Variants in NBPF12 observed in about 807,000 individuals in gnomAD.
The protein encoded by NBPF12 is NBPF member 12, also known as NBPF family member NBPF12.
Under a neutral mutation model 146.4 loss-of-function variants are expected in NBPF12, and 115 were observed. That is an observed-to-expected ratio of 0.79 (90% CI 0.68 to 0.92). The LOEUF (loss-of-function observed/expected upper bound fraction) is 0.92, where lower values mean the gene tolerates loss of function less well. Ranked by LOEUF, NBPF12 falls within the 40% of genes least tolerant of loss-of-function variation. The pLI is 0.00. For missense variants in NBPF12, 1,205 were observed against 1,326.8 expected, an observed-to-expected ratio of 0.91 and a Z score of 1.43; for synonymous variants, 385 against 508.9, an observed-to-expected ratio of 0.76 and a Z score of 3.28.
At chr1:146,968,942 T>C (rs1656384518) in intron 10 of NBPF12, among the ~76,000 whole-genome samples, 1 of 151,430 alleles carries the variant, frequency 6.6e-6, no homozygotes, top group South Asian at 2.1e-4. Flanking sequence ...AATGTTGCCT[T>C]CTCGACCCTG....
chr1:146,973,209 G>A (rs1553886854), intron 14 of NBPF12, among the ~76,000 whole-genome samples: 15 of 32,434 alleles, frequency 4.6e-4, no homozygotes, highest in Non-Finnish European at 8.1e-4. Flanking sequence ...TTCTGACACC[G>A]GCACAGAATG....
In NBPF12 at chr1:146,975,122, C is replaced by G. The variant is rs1229967402; in HGVS notation, c.1904+281C>G. Among the ~76,000 whole-genome samples, 2 of 129,764 alleles carry G rather than the reference C, an allele frequency of 1.5e-5. 1 individual carries two copies. Among genetic ancestry groups the G allele is most frequent in the African/African-American group, 6.4e-5 (2 of 31,384 alleles). 85.1% of individuals were successfully genotyped at this position (129,764 alleles called of 152,430 possible). A position where few individuals can be genotyped will look rare whatever the true frequency, so the allele number is the denominator to read the frequency against. ...ATTAACCAAAGGAGTGTGAACCACA[C>G]AGCAGCATTCAGTATACTCAAAATG... On this transcript the variant is annotated intron_variant, in intron 15 of 33. Coordinates refer to ENST00000617844, the Ensembl canonical transcript of NBPF12.
At chr1:146,975,442 G>T (rs1553887204) in intron 15 of NBPF12, among the ~76,000 whole-genome samples, 1 of 148,412 alleles carries the variant, frequency 6.7e-6, no homozygotes, top group Non-Finnish European at 1.5e-5. Context: ...TGTTTACAGA[G>T]GGGAAAGATG....
At chr1:146,939,844 G>A (rs1373697690) in intron 1 of NBPF12, among the ~76,000 whole-genome samples, 21 of 151,996 alleles carry the variant, frequency 1.4e-4, no homozygotes, top group African/African-American at 4.4e-4. Flanking sequence ...TTAGCCGGGA[G>A]TGGTGGCAGG....
chr1:146,968,611 G>C, intron 10 of NBPF12, 61 bp downstream of exon 13: 2 of 1,498,988 alleles, frequency 1.3e-6, no homozygotes, highest in Non-Finnish European at 1.9e-6. Context: ...AAGTACAACA[G>C]CTCGGTGGGG....
chr1:146,951,258 G>C (rs1655313684), intron 1 of NBPF12, 90 bp from the exon 5 acceptor site: 2 of 703,122 alleles, frequency 2.8e-6, no homozygotes, highest in East Asian at 2.7e-5. Flanking sequence ...AACAGGGCAT[G>C]GGGGCCCTGG....
At chr1:146,962,893 TG>T (rs1157291051) in intron 5 of NBPF12, among the ~76,000 whole-genome samples, 1 of 151,362 alleles carries the variant, frequency 6.6e-6, no homozygotes, top group African/African-American at 2.4e-5. Flanking sequence ...TCGAGGATCT[TG>T]CAGGAGCCCT....
intron 6 of NBPF12, 95 bp from the exon 10 acceptor site, chr1:146,964,262 C>T: frequency 6.4e-7 from 1 of 1,556,144 alleles, no homozygotes; most frequent in Non-Finnish European, 8.8e-7. Flanking sequence ...AATGCTGAAC[C>T]ATACATAGAT....
exon 5 of NBPF12, chr1:146,962,221 A>T: frequency 6.2e-7 from 1 of 1,608,116 alleles, no homozygotes; most frequent in South Asian, 1.1e-5. Flanking sequence ...CAGTTCAAGG[A>T]GGAGAAGCTT....
At position 146,951,948 on chromosome 1, in the gene NBPF12, C is replaced by T. The variant is rs1553883927; in HGVS notation, c.-184+459C>T. On this transcript the variant is annotated intron_variant, in intron 2 of 33. Coordinates refer to ENST00000617844, the Ensembl canonical transcript of NBPF12. ...GACACAGTAGACAAAGGTTTTTCAA[C>T]TGGATGCCTTAGGATACATGCTTCC... 112 of 180,730 alleles carry T rather than the reference C, an allele frequency of 6.2e-4. 2 individuals are homozygous for T. In the East Asian group the frequency reaches 0.016, roughly 26 times the overall value. The allele number at this position is 180,730 out of a possible 1,614,324, so 11.2% of individuals were successfully genotyped here.
chr1:146,988,080 T>C, exon 26 of NBPF12: 1 of 661,278 alleles, frequency 1.5e-6, no homozygotes, highest in Non-Finnish European at 2.7e-6. Context: ...GAAGTTCCTT[T>C]TATGCATTGG....
At chr1:146,973,534 A>AAT (rs1458354651) in intron 14 of NBPF12, among the ~76,000 whole-genome samples, 1 of 149,730 alleles carries the variant, frequency 6.7e-6, no homozygotes, top group Non-Finnish European at 1.5e-5. Flanking sequence ...TCACTCCTGT[A>AAT]ATCCCAGCCC....
exon 34 of NBPF12, chr1:146,994,802 G>A (rs1559534283): frequency 1.6e-5 from 13 of 809,724 alleles, no homozygotes; most frequent in East Asian, 2.9e-5. Flanking sequence ...AGCACATGCC[G>A]GGAGTGATCA....
intron 2 of NBPF12, among the ~76,000 whole-genome samples, chr1:146,958,092 C>A (rs1366102000): frequency 1.7e-5 from 2 of 118,522 alleles, no homozygotes; most frequent in African/African-American, 5.9e-5. Flanking sequence ...CACCCATTAA[C>A]TCGTCATTTA....
chr1:146,946,978 G>A (rs1655105083), upstream of NBPF12, among the ~76,000 whole-genome samples: 1 of 152,112 alleles, frequency 6.6e-6, no homozygotes, highest in East Asian at 1.9e-4. Context: ...TGGAAGATCA[G>A]TGGACTGTAT....
intron 27 of NBPF12, among the ~76,000 whole-genome samples, 200 bp from the exon 31 acceptor site, chr1:146,989,374 C>T (rs1323529863): frequency 6.8e-6 from 1 of 146,000 alleles, no homozygotes; most frequent in African/African-American, 2.7e-5. Flanking sequence ...GTCTCTGTCT[C>T]TCTCTCTCTG....
In NBPF12 at chr1:146,958,164, G is replaced by A. The variant is rs1193404688; in HGVS notation, c.-183-1695G>A. Among the ~76,000 whole-genome samples, 3 of 115,970 alleles carry A rather than the reference G, an allele frequency of 2.6e-5. 1 individual carries two copies. Among genetic ancestry groups the A allele is most frequent in the Non-Finnish European group, 5.6e-5 (3 of 53,442 alleles). The allele number at this position is 115,970 out of a possible 152,430, so 76.1% of individuals were successfully genotyped here. A position where few individuals can be genotyped will look rare whatever the true frequency, so the allele number is the denominator to read the frequency against. ...CCCTCACCCCATGACAGGCCCTGGT[G>A]TGTGATGTTCCCCGCCCTGTGTCCA... On this transcript the variant is annotated intron_variant, in intron 2 of 33. Transcript: ENST00000617844.
upstream of NBPF12, among the ~76,000 whole-genome samples, chr1:146,944,355 G>T (rs1247962336): frequency 6.9e-6 from 1 of 144,536 alleles, no homozygotes; most frequent in African/African-American, 2.5e-5. Flanking sequence ...TGGCCTGTTT[G>T]TATCCTTCTC....
At chr1:146,971,602 G>A (rs1485191696) in intron 13 of NBPF12, among the ~76,000 whole-genome samples, 2 of 145,090 alleles carry the variant, frequency 1.4e-5, no homozygotes, top group Admixed American at 1.4e-4. Context: ...CCAGCCTGGA[G>A]TATATGGTGA....
Sources: allele counts gnomAD v4.1 joint callset (sites outside exome capture counted in the v4.1 genomes callset), GRCh38; gene constraint gnomAD v4.1.1; transcripts MANE v1.5; gene names NCBI Gene and HGNC (gene_info 2026-07-23, HGNC 2026-07-21).